SLC16A7: variants seen among roughly 807,000 people sequenced by gnomAD.
The protein encoded by SLC16A7 is solute carrier family 16 member 7.
A neutral mutation model predicts 34.9 loss-of-function variants in SLC16A7; 33 were observed. That is an observed-to-expected ratio of 0.94 (90% confidence interval 0.72 to 1.26). The LOEUF is 1.26. SLC16A7 is among the 50% of genes most tolerant of loss of function. SLC16A7 has a pLI of 0.00. For missense variants in SLC16A7, 573 were observed against 578.1 expected (o/e 0.99, Z 0.09); for synonymous variants, 201 against 206.6 (o/e 0.97, Z 0.23).
intron 3 of SLC16A7, among the ~76,000 whole-genome samples, chr12:59,727,100 A>G (rs774853352): frequency 1.3e-4 from 20 of 150,628 alleles, no homozygotes; most frequent in Non-Finnish European, 2.2e-4. Flanking sequence ...TAGCCAACTG[A>G]TATTGAGTAT....
intron 1 of SLC16A7, among the ~76,000 whole-genome samples, chr12:59,624,338 C>T (rs1041650233): frequency 1.3e-5 from 2 of 151,468 alleles, no homozygotes; most frequent in African/African-American, 2.4e-5. Flanking sequence ...AAATAGTTCT[C>T]ATACAATTCT....
intron 1 of SLC16A7, among the ~76,000 whole-genome samples, chr12:59,654,238 A>T (rs1206599748): frequency 1.3e-5 from 2 of 151,306 alleles, no homozygotes; most frequent in Non-Finnish European, 3.0e-5. Context: ...CTTTAAGAGA[A>T]GAGTTAATAG....
At chr12:59,675,268 C>G (rs1870215576) in intron 2 of SLC16A7, among the ~76,000 whole-genome samples, 1 of 152,090 alleles carries the variant, frequency 6.6e-6, no homozygotes, top group South Asian at 2.1e-4. Flanking sequence ...CCCAAAATAC[C>G]CAGTGTGATG....
At chr12:59,727,096 A>G (rs1876348177) in intron 3 of SLC16A7, among the ~76,000 whole-genome samples, 1 of 150,704 alleles carries the variant, frequency 6.6e-6, no homozygotes, top group Non-Finnish European at 1.5e-5. Context: ...ACTTTAGCCA[A>G]CTGATATTGA....
At chr12:59,668,261 A>T (rs112108521) in intron 2 of SLC16A7, among the ~76,000 whole-genome samples, 27 of 152,268 alleles carry the variant, frequency 1.8e-4, no homozygotes, top group African/African-American at 6.0e-4. Flanking sequence ...AACAGCTTGC[A>T]CTGTGAACCT....
intron 1 of SLC16A7, among the ~76,000 whole-genome samples, chr12:59,638,302 G>A (rs1880527846): frequency 6.6e-6 from 1 of 152,104 alleles, no homozygotes; most frequent in Non-Finnish European, 1.5e-5. Flanking sequence ...AAGGGACAGG[G>A]GAGGGAGTGA....
chr12:59,657,963 G>A (rs932791355), intron 2 of SLC16A7, among the ~76,000 whole-genome samples: 2 of 151,948 alleles, frequency 1.3e-5, no homozygotes, highest in South Asian at 4.2e-4. Flanking sequence ...AAACTGTTTT[G>A]CTCTTACAAA....
At chr12:59,761,044 C>A in intron 3 of SLC16A7, 1 of 562,418 alleles carries the variant, frequency 1.8e-6, no homozygotes, top group Non-Finnish European at 2.9e-6. Flanking sequence ...TCTTCAAATA[C>A]TTTAAATATT....
At chr12:59,740,404 A>C (rs1878167890) in intron 3 of SLC16A7, among the ~76,000 whole-genome samples, 1 of 152,116 alleles carries the variant, frequency 6.6e-6, no homozygotes, top group Non-Finnish European at 1.5e-5. Context: ...ATTGATCTAT[A>C]TCTCTGTTTT....
At chr12:59,600,742 C>T (rs955573049) in intron 1 of SLC16A7, among the ~76,000 whole-genome samples, 5 of 152,096 alleles carry the variant, frequency 3.3e-5, no homozygotes, top group African/African-American at 1.2e-4. Flanking sequence ...TAAAACTAGT[C>T]CAGCTGGAGC....
intron 3 of SLC16A7, among the ~76,000 whole-genome samples, chr12:59,751,634 A>G (rs1212450207): frequency 1.3e-5 from 2 of 152,232 alleles, no homozygotes; most frequent in Non-Finnish European, 2.9e-5. Flanking sequence ...CCACAGCTCA[A>G]GGAAGCCTGC....
chr12:59,777,232 T>C (rs1322477380), intron 5 of SLC16A7, among the ~76,000 whole-genome samples: 2 of 152,344 alleles, frequency 1.3e-5, no homozygotes, highest in East Asian at 3.9e-4. Flanking sequence ...ATTTTAGACC[T>C]ATTGTTGAAA....
At chr12:59,755,281 A>G (rs567721068) in intron 3 of SLC16A7, among the ~76,000 whole-genome samples, 1 of 152,316 alleles carries the variant, frequency 6.6e-6, no homozygotes, top group East Asian at 1.9e-4. Context: ...AAGGAAATAA[A>G]GGGTATTCAA....
chr12:59,645,223 A>G (rs1220542799), intron 1 of SLC16A7, among the ~76,000 whole-genome samples: 1 of 152,166 alleles, frequency 6.6e-6, no homozygotes, highest in Non-Finnish European at 1.5e-5. Context: ...GTTCAGTTTT[A>G]TTATTGGATG....
chr12:59,769,441 A>G (rs1882008738), intron 3 of SLC16A7: 1 of 152,082 alleles, frequency 6.6e-6, no homozygotes, highest in African/African-American at 2.4e-5. Context: ...TATTCTTTTT[A>G]TACAACTTGT....
intron 1 of SLC16A7, among the ~76,000 whole-genome samples, chr12:59,610,313 G>T (rs1283864649): frequency 6.6e-6 from 1 of 152,060 alleles, no homozygotes; most frequent in Non-Finnish European, 1.5e-5. Context: ...AAAAATGTTG[G>T]CAATACTTTA....
intron 3 of SLC16A7, among the ~76,000 whole-genome samples, chr12:59,713,451 A>C (rs1874496356): frequency 6.6e-6 from 1 of 152,246 alleles, no homozygotes; most frequent in Admixed American, 6.5e-5. Context: ...AATTGAAATT[A>C]ATTTTTATAT....
rs139137868 is a variant in SLC16A7, at chr12:59,666,345, T to C, written c.-31+11095T>C. 8.3e-3 allele frequency among the ~76,000 whole-genome samples: 1,261 copies of C among 152,316 alleles called. 13 individuals are homozygous for C. Among genetic ancestry groups the C allele is most frequent in the African/African-American group, 0.029 (1,215 of 41,576 alleles). On this transcript the variant is annotated intron_variant, in intron 2 of 5. Transcript: ENST00000547379. ...TATTTTCCCAATTTATGCTCGGCAT[T>C]GCTAAATTTATATATCAGTTCAGTT...
intron 3 of SLC16A7, among the ~76,000 whole-genome samples, chr12:59,705,466 CAT>C (rs1873458088): frequency 6.6e-6 from 1 of 152,144 alleles, no homozygotes; most frequent in Admixed American, 6.6e-5. Context: ...GAAGGGTTAA[CAT>C]GTACATTCTA....
Sources: allele counts gnomAD v4.1 joint callset (sites outside exome capture counted in the v4.1 genomes callset), GRCh38; gene constraint gnomAD v4.1.1; transcripts MANE v1.5; gene names NCBI Gene and HGNC (gene_info 2026-07-23, HGNC 2026-07-21).